EYS: variants seen among roughly 807,000 people sequenced by gnomAD.
EYS encodes the protein protein eyes shut homolog.
In EYS, 250 loss-of-function variants were observed where a neutral mutation model predicts 282.1. The observed-to-expected ratio is 0.89, with a 90% CI of 0.80 to 0.98. The LOEUF is 0.98. EYS is among the 50% of genes least tolerant of loss of function. EYS has a pLI of 0.00. For missense variants in EYS, 4,016 were observed against 3,709.0 expected, an observed-to-expected ratio of 1.08 and a Z score of -2.15; for synonymous variants, 1,355 against 1,282.9, an observed-to-expected ratio of 1.06 and a Z score of -1.20.
At chr6:65,040,493 T>C (rs1431419398) in intron 13 of EYS, among the ~76,000 whole-genome samples, 2 of 151,766 alleles carry the variant, frequency 1.3e-5, no homozygotes, top group Admixed American at 1.3e-4. Flanking sequence ...TGACTTCTCC[T>C]TAACTAATTA....
chr6:64,835,954 C>T (rs1227013447), intron 19 of EYS, among the ~76,000 whole-genome samples: 1 of 151,592 alleles, frequency 6.6e-6, no homozygotes, highest in Non-Finnish European at 1.5e-5. Flanking sequence ...GACATCTCTA[C>T]TTCTTTTGGG....
chr6:64,021,522 T>C (rs1012253201), intron 33 of EYS, among the ~76,000 whole-genome samples: 1 of 152,018 alleles, frequency 6.6e-6, no homozygotes, highest in Non-Finnish European at 1.5e-5. Flanking sequence ...TTGAGAAAAA[T>C]GTTCCAAAGT....
At chr6:64,525,868 C>A (rs754271491) in intron 26 of EYS, among the ~76,000 whole-genome samples, 36 of 151,612 alleles carry the variant, frequency 2.4e-4, no homozygotes, top group Non-Finnish European at 4.1e-4. Context: ...TACTCCTGGG[C>A]ATTCAAACCC....
chr6:64,291,602 A>C (rs1348400681), intron 30 of EYS, among the ~76,000 whole-genome samples: 1 of 152,094 alleles, frequency 6.6e-6, no homozygotes, highest in East Asian at 1.9e-4. Flanking sequence ...GTGAAACTAT[A>C]TTTCAGTTAA....
At position 63,836,013 on chromosome 6, in the gene EYS, G is replaced by A. The variant is rs968793672; in HGVS notation, c.7228+28173C>T. On this transcript the variant is annotated intron_variant, in intron 36 of 42. Transcript: ENST00000503581. ...TTTGAGTTGCTCCCATTATTGGGCT[G>A]TTATGAATAATGCTCCTATGAAAAT... is the stretch of plus-strand genomic sequence containing the variant. Among the ~76,000 whole-genome samples the A allele has an allele frequency of 7.2e-5, 11 of 152,100 alleles. No homozygotes were observed. In the East Asian group the frequency reaches 2.1e-3, roughly 29 times the overall value.
intron 31 of EYS, among the ~76,000 whole-genome samples, chr6:64,125,194 A>ATCTCTCTCTC (rs1562213634): frequency 2.1e-5 from 3 of 146,004 alleles, no homozygotes; most frequent in African/African-American, 8.0e-5. Flanking sequence ...CTCTCTCTCA[A>ATCTCTCTCTC]GGAGTAATGA....
chr6:65,558,058 G>A (rs901428035), intron 2 of EYS, among the ~76,000 whole-genome samples: 4 of 152,128 alleles, frequency 2.6e-5, no homozygotes, highest in African/African-American at 9.7e-5. Flanking sequence ...ACTGGCATCC[G>A]AGCCCCCAGG....
chr6:64,377,719 A>T (rs189326641), intron 29 of EYS: 1 of 152,218 alleles, frequency 6.6e-6, no homozygotes, highest in East Asian at 1.9e-4. Context: ...TTAATGAACA[A>T]ATGAGCTTCC....
chr6:64,238,741 C>T (rs1378106860), intron 30 of EYS, among the ~76,000 whole-genome samples: 1 of 151,966 alleles, frequency 6.6e-6, no homozygotes, highest in Non-Finnish European at 1.5e-5. Flanking sequence ...ATTTCCAATT[C>T]TTGTATTCCT....
At chr6:65,673,642 T>A (rs1406687043) in intron 1 of EYS, among the ~76,000 whole-genome samples, 1 of 152,016 alleles carries the variant, frequency 6.6e-6, no homozygotes, top group Non-Finnish European at 1.5e-5. Flanking sequence ...CTACGTTTCC[T>A]GAAGATTGAG....
rs1767702464 is a variant in EYS, at chr6:64,902,571, A to C, written c.2642-71T>G. Reference sequence around the variant, plus strand: ...GAGTAAAAAAATCAGAATCAGTGGTAGTCTAAAGAATACACTCATAATGGA... The same window carrying C: ...GAGTAAAAAAATCAGAATCAGTGGTCGTCTAAAGAATACACTCATAATGGA... On this transcript the variant is annotated intron_variant, in intron 16 of 42. Transcript: ENST00000503581. 14 of 866,326 alleles carry C rather than the reference A, an allele frequency of 1.6e-5. No individual in the cohort carries two copies. The East Asian group carries it at 4.1e-4, about 25-fold the overall frequency. The allele number at this position is 866,326 out of a possible 1,614,324, so 53.7% of individuals were successfully genotyped here.
intron 15 of EYS, among the ~76,000 whole-genome samples, chr6:64,931,809 T>C (rs186759517): frequency 2.8e-3 from 433 of 152,214 alleles, no homozygotes; most frequent in Non-Finnish European, 5.2e-3. Context: ...TAATGTAAAC[T>C]TACTTATCCC....
intron 12 of EYS, among the ~76,000 whole-genome samples, chr6:65,189,069 T>A (rs1368168930): frequency 6.6e-6 from 1 of 151,688 alleles, no homozygotes; most frequent in Non-Finnish European, 1.5e-5. Context: ...AGTTTTAATT[T>A]TTTTTATAAT....
At chr6:65,402,897 C>T (rs1179230732) in intron 6 of EYS, among the ~76,000 whole-genome samples, 1 of 152,042 alleles carries the variant, frequency 6.6e-6, no homozygotes, top group Admixed American at 6.6e-5. Flanking sequence ...GCTTTAAAGG[C>T]CATATAGATT....
chr6:64,502,366 G>A (rs557740091), intron 26 of EYS, among the ~76,000 whole-genome samples: 66 of 152,016 alleles, frequency 4.3e-4, no homozygotes, highest in Non-Finnish European at 7.5e-4. Flanking sequence ...TCAGCCTCCC[G>A]AGTAGCTAGG....
intron 26 of EYS, among the ~76,000 whole-genome samples, chr6:64,475,672 T>C (rs909511709): frequency 6.6e-6 from 1 of 152,162 alleles, no homozygotes. Context: ...GGCCCAATTC[T>C]TGCTCTATTA....
chr6:64,617,255 G>A (rs1425281146), intron 24 of EYS, among the ~76,000 whole-genome samples, 163 bp downstream of exon 24: 1 of 152,122 alleles, frequency 6.6e-6, no homozygotes, highest in Non-Finnish European at 1.5e-5. Flanking sequence ...CGGACAACAA[G>A]GGAAAGAGGA....
At position 64,090,011 on chromosome 6, in the gene EYS, T is replaced by C. The variant is rs960400012; in HGVS notation, c.6425-8009A>G. ...AACAGTTGATCATCATGATTTGCTA[T>C]TTGATCCTGTCAAAAATCTGAGGCC... On this transcript the variant is annotated intron_variant, in intron 31 of 42. Coordinates refer to ENST00000503581, the MANE Select transcript of EYS (RefSeq NM_001142800.2). Among the ~76,000 whole-genome samples the C allele has an allele frequency of 2.2e-4, 34 of 152,150 alleles. 1 individual carries two copies. Among genetic ancestry groups the C allele is most frequent in the Non-Finnish European group, 1.5e-4 (10 of 67,994 alleles).
chr6:64,315,930 T>G (rs1286860518), intron 29 of EYS, among the ~76,000 whole-genome samples: 1 of 152,148 alleles, frequency 6.6e-6, no homozygotes, highest in Non-Finnish European at 1.5e-5. Flanking sequence ...AATCAATAAG[T>G]GTAATCCATC....
Sources: allele counts gnomAD v4.1 joint callset (sites outside exome capture counted in the v4.1 genomes callset), GRCh38; gene constraint gnomAD v4.1.1; transcripts MANE v1.5; gene names NCBI Gene and HGNC (gene_info 2026-07-23, HGNC 2026-07-21).